Variants in LEPROTL1 observed in about 807,000 individuals in gnomAD.
LEPROTL1 encodes leptin receptor overlapping transcript like 1.
Under a neutral mutation model 15.4 loss-of-function variants are expected in LEPROTL1, and 6 were observed. That is an observed-to-expected ratio of 0.39 (90% CI 0.21 to 0.77). The LOEUF (loss-of-function observed/expected upper bound fraction) is 0.77, where lower values mean the gene tolerates loss of function less well. LEPROTL1 is among the 30% of genes least tolerant of loss of function. The pLI is 0.41. For missense variants in LEPROTL1, 128 were observed against 158.1 expected, an observed-to-expected ratio of 0.81 and a Z score of 1.02; for synonymous variants, 56 against 52.6, an observed-to-expected ratio of 1.06 and a Z score of -0.28.
At chr8:30,132,744 C>T in intron 4 of LEPROTL1, 3 of 1,551,702 alleles carry the variant, frequency 1.9e-6, no homozygotes, top group East Asian at 2.4e-5. Flanking sequence ...GGAAAAAGAG[C>T]AAGTAGCTGA....
intron 1 of LEPROTL1, chr8:30,095,849 G>A (rs545525583): frequency 2.9e-6 from 2 of 701,648 alleles, no homozygotes; most frequent in African/African-American, 1.7e-5. Context: ...CGACTTGGAC[G>A]GCCACACACG....
chr8:30,125,679 G>A (rs184629722), intron 3 of LEPROTL1, among the ~76,000 whole-genome samples: 6 of 152,214 alleles, frequency 3.9e-5, no homozygotes, highest in East Asian at 3.9e-4. Flanking sequence ...CTGTTATGGC[G>A]TACTAGGAAA....
Position 30,107,693 on chromosome 8 carries a change from A to G in LEPROTL1, c.*1831A>G. On this transcript the variant is annotated 3_prime_UTR_variant, in exon 4 of 4. Coordinates refer to ENST00000321250, the MANE Select transcript of LEPROTL1 (RefSeq NM_015344.3). ...GATTTCAAGAGGAAGGTGCAGGTAC[A>G]CATGAGTTAGAGAGCTGGTGAGACA... is the stretch of plus-strand genomic sequence containing the variant. 2.0e-6 allele frequency: 2 copies of G among 985,500 alleles called. No homozygotes were observed. Among genetic ancestry groups the G allele is most frequent in the Non-Finnish European group, 2.4e-6 (2 of 829,920 alleles). The allele number at this position is 985,500 out of a possible 1,614,324, so 61.0% of individuals were successfully genotyped here. A position where few individuals can be genotyped will look rare whatever the true frequency, so the allele number is the denominator to read the frequency against.
chr8:30,134,446 C>A (rs867622722), intron 4 of LEPROTL1, among the ~76,000 whole-genome samples: 15 of 149,838 alleles, frequency 1.0e-4, no homozygotes, highest in South Asian at 4.2e-4. Flanking sequence ...AAAAAAAAAA[C>A]AAAAAAAAAC....
At chr8:30,123,294 C>A (rs559916357) in intron 3 of LEPROTL1, among the ~76,000 whole-genome samples, 1 of 152,236 alleles carries the variant, frequency 6.6e-6, no homozygotes, top group South Asian at 2.1e-4. Context: ...TGTAAATGTC[C>A]CCCCAGGTTC....
chr8:30,130,776 A>T (rs28779184), intron 3 of LEPROTL1, among the ~76,000 whole-genome samples: 3,990 of 108,670 alleles, frequency 0.037, 199 homozygotes, highest in African/African-American at 0.11. Context: ...AATTTTCAAA[A>T]AAAAATTTTT....
intron 4 of LEPROTL1, among the ~76,000 whole-genome samples, chr8:30,134,710 G>A (rs981069788): frequency 1.3e-5 from 2 of 151,920 alleles, no homozygotes; most frequent in Non-Finnish European, 2.9e-5. Flanking sequence ...ACCACGCCCA[G>A]CTAATTTTTG....
downstream of LEPROTL1, among the ~76,000 whole-genome samples, chr8:30,110,412 A>AGGAATTTTTT (rs1802636913): frequency 6.6e-6 from 1 of 152,052 alleles, no homozygotes; most frequent in Admixed American, 6.6e-5. Flanking sequence ...GGGCAGAATC[A>AGGAATTTTTT]GGAATTTTTT....
chr8:30,107,063 A>C lies in LEPROTL1; in HGVS notation c.*1201A>C, dbSNP rs1802580099. On this transcript the variant is annotated 3_prime_UTR_variant, in exon 4 of 4. Transcript: ENST00000321250. ...ATGGTAATAGTAGTTCTTATTCTCT[A>C]AGGTTATATCATATGTAATTTAAAA... 1 of 973,460 alleles carries C rather than the reference A, an allele frequency of 1.0e-6. No individual in the cohort carries two copies. Among genetic ancestry groups the C allele is most frequent in the African/African-American group, 1.8e-5 (1 of 56,982 alleles). The allele number at this position is 973,460 out of a possible 1,614,324, so 60.3% of individuals were successfully genotyped here. A position where few individuals can be genotyped will look rare whatever the true frequency, so the allele number is the denominator to read the frequency against.
At chr8:30,137,345 T>TGCCTCTCCCAGCAGCC (rs1490716772) in exon 5 of LEPROTL1, 1 of 1,551,608 alleles carries the variant, frequency 6.4e-7, no homozygotes, top group African/African-American at 1.4e-5. Context: ...ACACAGCAGC[T>TGCCTCTCCCAGCAGCC]GCCTCTCCCA....
At chr8:30,122,126 C>A (rs565356979) in intron 3 of LEPROTL1, among the ~76,000 whole-genome samples, 2 of 151,460 alleles carry the variant, frequency 1.3e-5, no homozygotes, top group Admixed American at 6.6e-5. Context: ...GAGATCATGC[C>A]ACTGCACTCC....
intron 3 of LEPROTL1, among the ~76,000 whole-genome samples, chr8:30,118,023 T>G (rs13267890): frequency 0.015 from 228 of 15,114 alleles, 11 homozygotes; most frequent in South Asian, 0.045. Context: ...TGATTTGTTT[T>G]TTTTTTTTTT....
chr8:30,096,201 C>CT (rs56848821), intron 1 of LEPROTL1: 64 of 565,688 alleles, frequency 1.1e-4, no homozygotes, highest in African/African-American at 2.1e-4. Context: ...TCTTTTTTTC[C>CT]TTTTTTTTTT....
At chr8:30,111,222 T>C (rs1442533992), downstream of LEPROTL1, among the ~76,000 whole-genome samples, 1 of 152,226 alleles carries the variant, frequency 6.6e-6, no homozygotes, top group African/African-American at 2.4e-5. Context: ...TAACTGAGTG[T>C]AGCAGTGAAG....
At position 30,106,162 on chromosome 8, in the gene LEPROTL1, G is replaced by C. The variant is rs531502259; in HGVS notation, c.*300G>C. 1.3e-4 allele frequency: 126 copies of C among 995,058 alleles called. 1 individual carries two copies. In the South Asian group the frequency reaches 3.7e-3, roughly 29 times the overall value. 61.6% of individuals were successfully genotyped at this position (995,058 alleles called of 1,614,324 possible). A position where few individuals can be genotyped will look rare whatever the true frequency, so the allele number is the denominator to read the frequency against. Reference sequence around the variant, plus strand: ...TTTCCTGTTAGGTTGATTTTTTTTGGAATCAATATGCAATGTTAAACACTT... The same window carrying C: ...TTTCCTGTTAGGTTGATTTTTTTTGCAATCAATATGCAATGTTAAACACTT... On this transcript the variant is annotated 3_prime_UTR_variant, in exon 4 of 4. Transcript: ENST00000321250.
chr8:30,113,372 C>T (rs917923541), downstream of LEPROTL1, among the ~76,000 whole-genome samples: 1 of 152,018 alleles, frequency 6.6e-6, no homozygotes, highest in Non-Finnish European at 1.5e-5. Context: ...TCTGAGAAAA[C>T]GAAAACATAC....
chr8:30,136,507 G>A (rs890527946), intron 4 of LEPROTL1, among the ~76,000 whole-genome samples: 8 of 152,126 alleles, frequency 5.3e-5, no homozygotes, highest in Non-Finnish European at 1.0e-4. Flanking sequence ...AGCCCTGCCC[G>A]ACTAGCAGAG....
intron 3 of LEPROTL1, among the ~76,000 whole-genome samples, chr8:30,128,160 T>C (rs1055002101): frequency 6.6e-6 from 1 of 152,206 alleles, no homozygotes; most frequent in African/African-American, 2.4e-5. Context: ...TCTACATCTC[T>C]GGCTCCGACT....
Position 30,107,946 on chromosome 8 carries a change from G to T in LEPROTL1, c.*2084G>T. ...ACTAGCTTGACATAGTGCTGTCTCT[G>T]ATTTCTAGGCTAGTTACTTGAGATA... On this transcript the variant is annotated 3_prime_UTR_variant, in exon 4 of 4. Coordinates refer to ENST00000321250, the MANE Select transcript of LEPROTL1 (RefSeq NM_015344.3). 1 of 985,076 alleles carries T rather than the reference G, an allele frequency of 1.0e-6. No individual in the cohort carries two copies. The highest frequency in any genetic ancestry group is 1.2e-6 in the Non-Finnish European group (1 of 829,660). 61.0% of individuals were successfully genotyped at this position (985,076 alleles called of 1,614,324 possible). A position where few individuals can be genotyped will look rare whatever the true frequency, so the allele number is the denominator to read the frequency against.
Sources: allele counts gnomAD v4.1 joint callset (sites outside exome capture counted in the v4.1 genomes callset), GRCh38; gene constraint gnomAD v4.1.1; transcripts MANE v1.5; gene names NCBI Gene and HGNC (gene_info 2026-07-23, HGNC 2026-07-21).